SLC8A1: variants seen among roughly 807,000 people sequenced by gnomAD.
SLC8A1 encodes sodium/calcium exchanger 1.
A neutral mutation model predicts 68.3 loss-of-function variants in SLC8A1; 18 were observed. That is an observed-to-expected ratio of 0.26 (90% CI 0.18 to 0.39). The LOEUF (loss-of-function observed/expected upper bound fraction) is 0.39, where lower values mean the gene tolerates loss of function less well. Among genes scored for constraint, SLC8A1 ranks in the 10% least tolerant of loss-of-function variants. The pLI, the probability that SLC8A1 is intolerant of heterozygous loss-of-function variation, is 1.00. For missense variants in SLC8A1, 985 were observed against 1,156.7 expected (o/e 0.85, Z 2.15); for synonymous variants, 475 against 415.5 (o/e 1.14, Z -1.74).
At chr2:40,416,609 T>C (rs918015148) in intron 2 of SLC8A1, among the ~76,000 whole-genome samples, 1 of 152,082 alleles carries the variant, frequency 6.6e-6, no homozygotes, top group Non-Finnish European at 1.5e-5. Context: ...AATGCCTTAA[T>C]GTTACTATCA....
Position 40,352,946 on chromosome 2 carries a change from G to T in SLC8A1, c.1808+75527C>A, listed in dbSNP as rs1259523198. 2.0e-5 allele frequency among the ~76,000 whole-genome samples: 3 copies of T among 152,108 alleles called. No homozygotes were observed. In the East Asian group the frequency reaches 5.8e-4, roughly 29 times the overall value. ...ATACATCTACGAGAAACCAGGGAGGGTTTTAAAAGCTGGCAGGGCATAACT... is the reference window on the plus strand; with the variant it reads ...ATACATCTACGAGAAACCAGGGAGGTTTTTAAAAGCTGGCAGGGCATAACT... On this transcript the variant is annotated intron_variant, in intron 2 of 7. Transcript: ENST00000406785.
At chr2:40,467,434 T>C (rs1703755290) in intron 1 of SLC8A1, among the ~76,000 whole-genome samples, 1 of 152,184 alleles carries the variant, frequency 6.6e-6, no homozygotes, top group Admixed American at 6.5e-5. Flanking sequence ...TGCTATTCAG[T>C]ACAGATGGAG....
chr2:40,168,098 T>C (rs1184122606), intron 4 of SLC8A1, among the ~76,000 whole-genome samples: 1 of 152,144 alleles, frequency 6.6e-6, no homozygotes, highest in Non-Finnish European at 1.5e-5. Context: ...CTCCATACCA[T>C]GTCAGCACTT....
intron 2 of SLC8A1, among the ~76,000 whole-genome samples, chr2:40,246,972 T>C (rs374586881): frequency 1.3e-3 from 191 of 152,356 alleles, no homozygotes; most frequent in Admixed American, 2.2e-3. Flanking sequence ...ATTATTGCCT[T>C]GGATTCTTTC....
intron 2 of SLC8A1, among the ~76,000 whole-genome samples, chr2:40,331,840 G>C (rs2076445237): frequency 1.3e-5 from 2 of 152,248 alleles, no homozygotes; most frequent in South Asian, 4.1e-4. Context: ...TGATCCATCA[G>C]CCTTGGCCTC....
intron 2 of SLC8A1, among the ~76,000 whole-genome samples, chr2:40,418,741 G>A (rs567792222): frequency 2.0e-5 from 3 of 152,234 alleles, no homozygotes; most frequent in South Asian, 2.1e-4. Context: ...CATGAAAAAC[G>A]AATCAGATTT....
At chr2:40,289,550 T>C (rs1321252880) in intron 2 of SLC8A1, among the ~76,000 whole-genome samples, 2 of 151,964 alleles carry the variant, frequency 1.3e-5, no homozygotes, top group African/African-American at 2.4e-5. Context: ...AAAAAAAAGT[T>C]ATTAAAAAAA....
intron 2 of SLC8A1, among the ~76,000 whole-genome samples, chr2:40,263,045 G>A (rs1200557519): frequency 1.3e-5 from 2 of 152,330 alleles, no homozygotes; most frequent in African/African-American, 4.8e-5. Context: ...CTCTAAAATG[G>A]TTTCATCATG....
chr2:40,216,191 T>TC (rs1251120435), intron 2 of SLC8A1, among the ~76,000 whole-genome samples: 3 of 151,898 alleles, frequency 2.0e-5, no homozygotes, highest in Non-Finnish European at 4.4e-5. Context: ...TGTGTGGTGT[T>TC]CCCCCTCCCT....
At chr2:40,415,051 C>A (rs1693384415) in intron 2 of SLC8A1, among the ~76,000 whole-genome samples, 1 of 152,110 alleles carries the variant, frequency 6.6e-6, no homozygotes, top group Non-Finnish European at 1.5e-5. Flanking sequence ...AAGGACAGGA[C>A]TCTGAGGACT....
intron 1 of SLC8A1, among the ~76,000 whole-genome samples, chr2:40,464,601 T>G (rs930838329): frequency 6.6e-6 from 1 of 152,108 alleles, no homozygotes; most frequent in South Asian, 2.1e-4. Flanking sequence ...ACCCCTAGAG[T>G]TGGTGAAAGA....
At chr2:40,256,976 G>T (rs187710250) in intron 2 of SLC8A1, among the ~76,000 whole-genome samples, 1 of 151,968 alleles carries the variant, frequency 6.6e-6, no homozygotes, top group African/African-American at 2.4e-5. Context: ...AGTCTCTGCA[G>T]TCTCATCTGA....
intron 1 of SLC8A1, among the ~76,000 whole-genome samples, chr2:40,469,895 T>A (rs1576627043): frequency 6.6e-6 from 1 of 152,324 alleles, no homozygotes; most frequent in South Asian, 2.1e-4. Context: ...TCCCATTGAA[T>A]GTTTTCAGCA....
intron 2 of SLC8A1, among the ~76,000 whole-genome samples, chr2:40,219,210 G>A (rs2057954623): frequency 6.6e-6 from 1 of 152,196 alleles, no homozygotes; most frequent in Non-Finnish European, 1.5e-5. Flanking sequence ...TGTGTTCATA[G>A]AGGAGAAACC....
chr2:40,195,560 A>T (rs1181515003), intron 2 of SLC8A1, among the ~76,000 whole-genome samples: 2 of 152,108 alleles, frequency 1.3e-5, no homozygotes, highest in Non-Finnish European at 2.9e-5. Flanking sequence ...CTATATCTTT[A>T]TGATTATCTA....
intron 2 of SLC8A1, among the ~76,000 whole-genome samples, chr2:40,397,899 A>G (rs1280172478): frequency 6.6e-6 from 1 of 152,200 alleles, no homozygotes; most frequent in African/African-American, 2.4e-5. Context: ...CTGACACTAA[A>G]TTTATCATGG....
At chr2:40,248,362 A>C (rs1039940125) in intron 2 of SLC8A1, among the ~76,000 whole-genome samples, 1 of 152,140 alleles carries the variant, frequency 6.6e-6, no homozygotes, top group Non-Finnish European at 1.5e-5. Context: ...GGAAGTGATT[A>C]GGTCACTCTT....
chr2:40,372,484 A>C (rs1678433344), intron 2 of SLC8A1, among the ~76,000 whole-genome samples: 1 of 152,146 alleles, frequency 6.6e-6, no homozygotes, highest in African/African-American at 2.4e-5. Flanking sequence ...TTCATAGATA[A>C]TACTACCATG....
intron 2 of SLC8A1, among the ~76,000 whole-genome samples, chr2:40,204,087 T>C (rs2054917170): frequency 6.6e-6 from 1 of 152,012 alleles, no homozygotes; most frequent in Non-Finnish European, 1.5e-5. Flanking sequence ...GATCCCTGTG[T>C]TCTTTAGATG....
Sources: allele counts gnomAD v4.1 joint callset (sites outside exome capture counted in the v4.1 genomes callset), GRCh38; gene constraint gnomAD v4.1.1; transcripts MANE v1.5; gene names NCBI Gene and HGNC (gene_info 2026-07-23, HGNC 2026-07-21).